Variants in PNLIPRP3 observed in about 807,000 individuals in gnomAD.
PNLIPRP3 encodes the protein pancreatic lipase-related protein 3.
PNLIPRP3 carries 58 observed loss-of-function variants against 52.8 expected under a neutral mutation model. The observed-to-expected ratio is 1.10, with a 90% CI of 0.89 to 1.37. PNLIPRP3 has a LOEUF of 1.37. PNLIPRP3 is among the 40% of genes most tolerant of loss of function. The pLI, the probability that PNLIPRP3 is intolerant of heterozygous loss-of-function variation, is 0.00. For missense variants in PNLIPRP3, 593 were observed against 561.6 expected (o/e 1.06, Z -0.57); for synonymous variants, 192 against 185.0 (o/e 1.04, Z -0.31).
chr10:116,459,826 C>T (rs567485512), intron 5 of PNLIPRP3, among the ~76,000 whole-genome samples: 9 of 152,136 alleles, frequency 5.9e-5, no homozygotes, highest in Non-Finnish European at 7.4e-5. Context: ...AGAGTGCAGT[C>T]GCACAATCTT....
At chr10:116,440,825 T>C (rs1020251027) in intron 2 of PNLIPRP3, among the ~76,000 whole-genome samples, 2 of 152,204 alleles carry the variant, frequency 1.3e-5, no homozygotes, top group African/African-American at 2.4e-5. Context: ...CGGTAGTTTC[T>C]GTGTCTGCAG....
intron 4 of PNLIPRP3, among the ~76,000 whole-genome samples, chr10:116,451,303 A>G (rs1452397606): frequency 6.6e-6 from 1 of 152,264 alleles, no homozygotes; most frequent in East Asian, 1.9e-4. Flanking sequence ...ATAGACAAAC[A>G]TAACACCTAA....
chr10:116,467,101 A>T (rs1259776331), intron 8 of PNLIPRP3, among the ~76,000 whole-genome samples: 1 of 152,154 alleles, frequency 6.6e-6, no homozygotes, highest in Admixed American at 6.5e-5. Flanking sequence ...TGGAGATAAG[A>T]GTTAATCTGC....
chr10:116,443,067 G>T lies in PNLIPRP3; in HGVS notation c.217G>T (p.Val73Phe). 6.3e-7 allele frequency: 1 copy of T among 1,596,446 alleles called. No homozygotes were observed. ...NPNAYQEISA[V>F]NSSTIQASYF... ...CTGCTTGAAACAGGAGATCAGTGCGGTTAATTCTTCAACTATCCAAGCCTC... is the reference window on the plus strand; with the variant it reads ...CTGCTTGAAACAGGAGATCAGTGCGTTTAATTCTTCAACTATCCAAGCCTC... Residue 73 changes from valine (V) to phenylalanine (F), a missense_variant, in exon 3 of 12, where the codon GTT becomes TTT. By Grantham distance (50) the Val-to-Phe change is conservative. Coordinates refer to ENST00000369230, the MANE Select transcript of PNLIPRP3 (RefSeq NM_001011709.3).
At chr10:116,432,646 C>T (rs1358503306) in intron 1 of PNLIPRP3, among the ~76,000 whole-genome samples, 1 of 152,112 alleles carries the variant, frequency 6.6e-6, no homozygotes. Flanking sequence ...GAAATAACCT[C>T]AGATGTGGAT....
Position 116,470,514 on chromosome 10 carries a change from A to ATAAT in PNLIPRP3, c.1060+1198_1060+1199insAATT, listed in dbSNP as rs1564705278. 2.3e-3 allele frequency among the ~76,000 whole-genome samples: 324 copies of ATAAT among 142,474 alleles called. 2 individuals are homozygous for ATAAT. The highest frequency in any genetic ancestry group is 8.1e-3 in the African/African-American group (313 of 38,772). The allele number at this position is 142,474 out of a possible 152,430, so 93.5% of individuals were successfully genotyped here. A position where few individuals can be genotyped will look rare whatever the true frequency, so the allele number is the denominator to read the frequency against. ...CACAGCAAATATATATATATATATA[A>ATAAT]TTTTTTTTTTTTTGAGATGGAGTCT... On this transcript the variant is annotated intron_variant, in intron 9 of 11. Coordinates refer to ENST00000369230, the MANE Select transcript of PNLIPRP3 (RefSeq NM_001011709.3).
At chr10:116,471,717 A>T in intron 9 of PNLIPRP3, 51 bp from the exon 10 acceptor site, 1 of 1,360,252 alleles carries the variant, frequency 7.4e-7, no homozygotes, top group African/African-American at 1.4e-5. Context: ...CATACTTCCC[A>T]TGTGTTTTTA....
intron 3 of PNLIPRP3, among the ~76,000 whole-genome samples, chr10:116,443,560 T>C (rs926562595): frequency 6.0e-5 from 9 of 149,308 alleles, no homozygotes; most frequent in African/African-American, 2.2e-4. Flanking sequence ...GGCCATATAG[T>C]GAAGATAACA....
intron 1 of PNLIPRP3, among the ~76,000 whole-genome samples, 177 bp from the exon 2 acceptor site, chr10:116,436,533 AG>A (rs536319903): frequency 8.7e-4 from 132 of 152,352 alleles, no homozygotes; most frequent in Non-Finnish European, 1.5e-3. Flanking sequence ...TGCACAGTAA[AG>A]GAACTAGTCA....
intron 9 of PNLIPRP3, among the ~76,000 whole-genome samples, chr10:116,470,887 T>C (rs180699875): frequency 2.7e-4 from 41 of 152,238 alleles, no homozygotes; most frequent in African/African-American, 9.9e-4. Context: ...TGTGGTCAAA[T>C]GAGACAGGGC....
At chr10:116,450,520 A>G (rs1026175376) in intron 4 of PNLIPRP3, among the ~76,000 whole-genome samples, 2 of 152,182 alleles carry the variant, frequency 1.3e-5, no homozygotes, top group African/African-American at 2.4e-5. Context: ...GAACAAAACT[A>G]CAAGTTGGTT....
rs529851465 is a variant in PNLIPRP3, at chr10:116,430,053, ATGT to A, written c.49+1996_49+1998del. 6.4e-4 allele frequency among the ~76,000 whole-genome samples: 98 copies of A among 152,256 alleles called. No individual in the cohort carries two copies. The East Asian group carries it at 0.018, about 28-fold the overall frequency. ...AAAGCAGGAGAAAGAGAAGGGAGTA[ATGT>A]TGTGCCTTACCCCTCAGTAGGTGAG... is the stretch of plus-strand genomic sequence containing the variant. On this transcript the variant is annotated intron_variant, in intron 1 of 11. Coordinates refer to ENST00000369230, the MANE Select transcript of PNLIPRP3 (RefSeq NM_001011709.3).
At chr10:116,443,260 T>G in intron 3 of PNLIPRP3, 86 bp downstream of exon 3, 1 of 1,324,628 alleles carries the variant, frequency 7.5e-7, no homozygotes, top group Non-Finnish European at 1.0e-6. Context: ...TGATGTATAT[T>G]CATGGAAATC....
At position 116,452,643 on chromosome 10, in the gene PNLIPRP3, C is replaced by G. The variant is rs144477043; in HGVS notation, c.457-3079C>G. On this transcript the variant is annotated intron_variant, in intron 4 of 11. Transcript: ENST00000369230. ...GCTCCCTGCATCCCAGCTGCTCAGG[C>G]TCCACCCTCAGCAACTAGGGCCCCA... 1.6e-3 allele frequency among the ~76,000 whole-genome samples: 243 copies of G among 152,322 alleles called. 2 individuals are homozygous for G. The highest frequency in any genetic ancestry group is 5.7e-3 in the African/African-American group (237 of 41,564).
intron 2 of PNLIPRP3, among the ~76,000 whole-genome samples, chr10:116,438,101 GAGA>G (rs1271104753): frequency 6.6e-6 from 1 of 152,190 alleles, no homozygotes; most frequent in African/African-American, 2.4e-5. Flanking sequence ...GAGGATAAAA[GAGA>G]AGGAGTTAGA....
At chr10:116,439,116 T>C (rs1845821467) in intron 2 of PNLIPRP3, among the ~76,000 whole-genome samples, 1 of 152,204 alleles carries the variant, frequency 6.6e-6, no homozygotes, top group African/African-American at 2.4e-5. Context: ...GATAGCTGCA[T>C]GACAATGTGA....
At chr10:116,452,227 A>G (rs912616486) in intron 4 of PNLIPRP3, among the ~76,000 whole-genome samples, 2 of 152,234 alleles carry the variant, frequency 1.3e-5, no homozygotes, top group African/African-American at 4.8e-5. Flanking sequence ...TAAGCAGCAA[A>G]GCATTCAAGA....
rs961888498 is a variant in PNLIPRP3 at position 116,437,020 on chromosome 10, T to A, written c.204+155T>A. Among the ~76,000 whole-genome samples the A allele has an allele frequency of 2.0e-5, 3 of 152,354 alleles. No individual in the cohort carries two copies. The East Asian group carries it at 5.8e-4, about 29-fold the overall frequency. On this transcript the variant is annotated intron_variant, in intron 2 of 11. Transcript: ENST00000369230. Reference sequence around the variant, plus strand: ...AGTATTATGAGTCAGATTTTTTCTATGTTATCTGTTCTATATTATCTGTTC... The same window carrying A: ...AGTATTATGAGTCAGATTTTTTCTAAGTTATCTGTTCTATATTATCTGTTC...
chr10:116,439,724 C>A (rs1349183855), intron 2 of PNLIPRP3: 2 of 769,826 alleles, frequency 2.6e-6, no homozygotes, highest in African/African-American at 3.4e-5. Context: ...TTGATCTAGG[C>A]GCAGAATTCT....
Sources: gnomAD v4.1 joint callset for allele counts (sites outside exome capture counted in the v4.1 genomes callset) on GRCh38, gnomAD v4.1.1 for gene constraint, MANE v1.5 for transcripts, NCBI Gene and HGNC (gene_info 2026-07-23, HGNC 2026-07-21) for gene names.